The following FRMD4A variants were observed in gnomAD, a reference collection of about 807,000 sequenced individuals.
FRMD4A encodes the protein FERM domain containing 4A, also known as FERM domain-containing protein 4A.
In FRMD4A, 29 loss-of-function variants were observed where a neutral mutation model predicts 129.1. The observed-to-expected ratio is 0.22, with a 90% CI of 0.17 to 0.31. FRMD4A has a LOEUF of 0.31. FRMD4A is among the 10% of genes least tolerant of loss of function. The pLI is 1.00. For missense variants in FRMD4A, 1,272 were observed against 1,375.8 expected (o/e 0.92, Z 1.19); for synonymous variants, 634 against 571.6 (o/e 1.11, Z -1.56).
intron 2 of FRMD4A, among the ~76,000 whole-genome samples, chr10:14,165,770 A>G (rs1841140593): frequency 6.6e-6 from 1 of 152,152 alleles, no homozygotes. Context: ...ACCAAATACC[A>G]CATGTTCTCG....
intron 2 of FRMD4A, among the ~76,000 whole-genome samples, chr10:13,884,184 A>ACGCTCACACACTCT (rs780160804): frequency 1.3e-5 from 1 of 79,550 alleles, no homozygotes; most frequent in African/African-American, 4.3e-5. Context: ...ACTCACACAC[A>ACGCTCACACACTCT]CACACACACA....
At chr10:13,983,619 T>C (rs1466854358) in intron 2 of FRMD4A, among the ~76,000 whole-genome samples, 1 of 152,128 alleles carries the variant, frequency 6.6e-6, no homozygotes, top group Admixed American at 6.5e-5. Context: ...TCCCTCTTGT[T>C]GCAGAAACAA....
chr10:13,774,700 C>A (rs2092553616), intron 6 of FRMD4A, among the ~76,000 whole-genome samples: 1 of 152,158 alleles, frequency 6.6e-6, no homozygotes, highest in Non-Finnish European at 1.5e-5. Flanking sequence ...ACCATCCCAC[C>A]CTGAAATGGA....
intron 2 of FRMD4A, among the ~76,000 whole-genome samples, chr10:14,288,411 C>G (rs1028961811): frequency 4.6e-5 from 7 of 152,204 alleles, no homozygotes; most frequent in Middle Eastern, 3.4e-3. Flanking sequence ...GAACTATGTG[C>G]AACTGTACAC....
At chr10:13,953,414 G>A (rs544405319) in intron 2 of FRMD4A, among the ~76,000 whole-genome samples, 23 of 152,226 alleles carry the variant, frequency 1.5e-4, no homozygotes, top group East Asian at 1.2e-3. Context: ...TGGGTCAACC[G>A]AAGTCCAAAG....
chr10:14,269,972 G>T (rs1845108148), intron 2 of FRMD4A, among the ~76,000 whole-genome samples: 1 of 152,162 alleles, frequency 6.6e-6, no homozygotes, highest in African/African-American at 2.4e-5. Flanking sequence ...GGGACGAAAA[G>T]GCTGAAGAAG....
intron 2 of FRMD4A, among the ~76,000 whole-genome samples, chr10:14,122,184 G>A (rs1035453492): frequency 6.6e-6 from 1 of 152,170 alleles, no homozygotes; most frequent in Admixed American, 6.5e-5. Context: ...AAAGGATGTT[G>A]TGGGGATTAA....
At chr10:13,915,751 G>A (rs2094995266) in intron 2 of FRMD4A, among the ~76,000 whole-genome samples, 1 of 152,012 alleles carries the variant, frequency 6.6e-6, no homozygotes, top group Admixed American at 6.6e-5. Context: ...ACCCAAGGAG[G>A]TGGCTTTCTG....
At chr10:13,997,665 C>T (rs2095627717) in intron 2 of FRMD4A, among the ~76,000 whole-genome samples, 1 of 149,476 alleles carries the variant, frequency 6.7e-6, no homozygotes, top group South Asian at 2.1e-4. Context: ...TTCTGTCACC[C>T]AGGCTGGATT....
rs1342113519 is a variant in FRMD4A at position 14,075,690 on chromosome 10, C to G, written c.46-216778G>C. 2.6e-5 allele frequency among the ~76,000 whole-genome samples: 4 copies of G among 151,970 alleles called. No homozygotes were observed. In the South Asian group the frequency reaches 6.2e-4, roughly 24 times the overall value. ...TATAATTTCTGTATTATGTGTATAC[C>G]TTTATATCCATATGCTGTATAGTAT... On this transcript the variant is annotated intron_variant, in intron 2 of 24. Transcript: ENST00000357447.
intron 2 of FRMD4A, among the ~76,000 whole-genome samples, chr10:13,964,674 GTTTT>G (rs35812447): frequency 7.8e-5 from 10 of 128,242 alleles, no homozygotes; most frequent in Admixed American, 6.8e-4. Flanking sequence ...CTCTTCTTTT[GTTTT>G]TTTTTTTTTT....
chr10:13,998,222 A>G (rs4439418), intron 2 of FRMD4A, among the ~76,000 whole-genome samples: 40,119 of 152,126 alleles, frequency 0.26, 6,099 homozygotes, highest in East Asian at 0.6. Flanking sequence ...CTCCAGTGGT[A>G]TACTGGAGAA....
chr10:14,165,827 G>A (rs1841145254), intron 2 of FRMD4A, among the ~76,000 whole-genome samples: 1 of 152,126 alleles, frequency 6.6e-6, no homozygotes, highest in Non-Finnish European at 1.5e-5. Context: ...CATAAAGATG[G>A]GTACAGTAGA....
chr10:14,252,403 T>C (rs1241457568), intron 2 of FRMD4A, among the ~76,000 whole-genome samples: 1 of 152,240 alleles, frequency 6.6e-6, no homozygotes, highest in Admixed American at 6.5e-5. Flanking sequence ...CCAAAAATCA[T>C]GGGCTACATT....
At chr10:13,666,350 G>C (rs750962891) in intron 17 of FRMD4A, 25 bp from the exon 18 acceptor site, 116 of 1,519,988 alleles carry the variant, frequency 7.6e-5, no homozygotes, top group Middle Eastern at 1.7e-4. Context: ...GCACCGGTTT[G>C]GGTTACTGGG....
chr10:13,796,139 T>C (rs1012699345), intron 5 of FRMD4A, among the ~76,000 whole-genome samples: 2 of 152,150 alleles, frequency 1.3e-5, no homozygotes, highest in African/African-American at 4.8e-5. Context: ...CAAAGGCTTT[T>C]GTTATGTAGT....
In FRMD4A at chr10:13,703,271, C is replaced by T. The variant is rs149432592; in HGVS notation, c.837-1793G>A. On this transcript the variant is annotated intron_variant, in intron 13 of 24. Coordinates refer to ENST00000357447, the MANE Select transcript of FRMD4A (RefSeq NM_018027.5). Reference sequence around the variant, plus strand: ...TCAGATACTCAGAGTTCTTCTCCTGCTCTATCATTACTTTATCTCCTCTCC... The same window carrying T: ...TCAGATACTCAGAGTTCTTCTCCTGTTCTATCATTACTTTATCTCCTCTCC... Among the ~76,000 whole-genome samples the T allele has an allele frequency of 7.0e-4, 107 of 152,304 alleles. 1 individual carries two copies. In the East Asian group the frequency reaches 0.019, roughly 27 times the overall value.
chr10:13,921,077 A>G (rs1011931710), intron 2 of FRMD4A, among the ~76,000 whole-genome samples: 1 of 152,188 alleles, frequency 6.6e-6, no homozygotes, highest in Non-Finnish European at 1.5e-5. Flanking sequence ...CTGGAAGCCC[A>G]AGATCAGGGC....
At chr10:13,875,048 C>T (rs756084056) in intron 2 of FRMD4A, among the ~76,000 whole-genome samples, 10 of 152,064 alleles carry the variant, frequency 6.6e-5, no homozygotes, top group Non-Finnish European at 1.5e-4. Flanking sequence ...GTGATATCTG[C>T]AGAACACAGC....
Sources: allele counts gnomAD v4.1 joint callset (sites outside exome capture counted in the v4.1 genomes callset), GRCh38; gene constraint gnomAD v4.1.1; transcripts MANE v1.5; gene names NCBI Gene and HGNC (gene_info 2026-07-23, HGNC 2026-07-21).